Variants in FGD4 observed in about 807,000 individuals in gnomAD.
FGD4 encodes the protein FYVE, RhoGEF and PH domain-containing protein 4.
In FGD4, 42 loss-of-function variants were observed where a neutral mutation model predicts 102.0. That is an observed-to-expected ratio of 0.41 (90% confidence interval 0.32 to 0.53). FGD4 has a LOEUF of 0.53. Among genes scored for constraint, FGD4 ranks in the 20% least tolerant of loss-of-function variants. The probability of loss-of-function intolerance (pLI) is 0.21; values close to 1 mark genes in which losing one functional copy is unlikely to be tolerated. For missense variants in FGD4, 902 were observed against 1,078.2 expected, an observed-to-expected ratio of 0.84 and a Z score of 2.29; for synonymous variants, 380 against 375.7, an observed-to-expected ratio of 1.01 and a Z score of -0.13.
chr12:32,473,803 G>A (rs778066348), intron 1 of FGD4, among the ~76,000 whole-genome samples: 1 of 152,038 alleles, frequency 6.6e-6, no homozygotes, highest in Admixed American at 6.6e-5. Context: ...ATTAGGAGCT[G>A]TGGACCGGGC....
At chr12:32,434,970 C>A (rs549745745) in intron 1 of FGD4, among the ~76,000 whole-genome samples, 1 of 147,174 alleles carries the variant, frequency 6.8e-6, no homozygotes, top group Non-Finnish European at 1.5e-5. Flanking sequence ...CTTTTCTTTT[C>A]TTTCTTTTTT....
At chr12:32,538,223 A>T (rs1044058614) in intron 1 of FGD4, among the ~76,000 whole-genome samples, 1 of 152,128 alleles carries the variant, frequency 6.6e-6, no homozygotes, top group African/African-American at 2.4e-5. Flanking sequence ...ACCATTTAGC[A>T]TGTTATACAG....
In FGD4 at chr12:32,599,494, C is replaced by CAA. The variant is rs777429838; in HGVS notation, c.1101+921_1101+922dup. Among the ~76,000 whole-genome samples the CAA allele has an allele frequency of 2.0e-3, 39 of 19,702 alleles. 4 individuals carry two copies. The highest frequency in any genetic ancestry group is 8.7e-3 in the African/African-American group (33 of 3,814). The allele number at this position is 19,702 out of a possible 152,430, so 12.9% of individuals were successfully genotyped here. The stretch of plus-strand genomic sequence containing the variant: ...TGGGTGACAGAGCGAGACTCCGTCT[C>CAA]AAAAAAAAAAAAAAGAATAACTTTT... On this transcript the variant is annotated intron_variant, in intron 5 of 16. Transcript: ENST00000534526.
chr12:32,579,118 C>T (rs530042145), intron 3 of FGD4, among the ~76,000 whole-genome samples: 9 of 137,690 alleles, frequency 6.5e-5, no homozygotes, highest in African/African-American at 1.7e-4. Flanking sequence ...ACGATCTCAG[C>T]TCACCATGAC....
At chr12:32,447,409 G>A (rs988340843) in intron 1 of FGD4, among the ~76,000 whole-genome samples, 3 of 144,262 alleles carry the variant, frequency 2.1e-5, no homozygotes, top group African/African-American at 4.9e-5. Flanking sequence ...AGTTTATGGG[G>A]TGTGGTTGGT....
intron 1 of FGD4, chr12:32,511,338 G>C (rs981147593): frequency 6.6e-6 from 1 of 152,284 alleles, no homozygotes; most frequent in African/African-American, 2.4e-5. Context: ...TTGAGACAGA[G>C]TCTCGCTCTG....
chr12:32,529,457 A>G (rs968388990), intron 1 of FGD4, among the ~76,000 whole-genome samples: 5 of 152,006 alleles, frequency 3.3e-5, no homozygotes, highest in African/African-American at 9.7e-5. Context: ...TCCATTTTCT[A>G]TCTGATCTGT....
chr12:32,596,403 A>G (rs1262383884), intron 4 of FGD4, among the ~76,000 whole-genome samples: 1 of 152,206 alleles, frequency 6.6e-6, no homozygotes, highest in East Asian at 1.9e-4. Context: ...TAATAATCAA[A>G]CATGCATTTG....
chr12:32,518,802 C>G (rs1041029130), intron 1 of FGD4, among the ~76,000 whole-genome samples: 4 of 150,028 alleles, frequency 2.7e-5, no homozygotes, highest in Non-Finnish European at 4.4e-5. Context: ...GATACTACAT[C>G]TTTTTCTTTA....
chr12:32,446,076 C>G (rs1357438471), intron 1 of FGD4, among the ~76,000 whole-genome samples: 1 of 152,140 alleles, frequency 6.6e-6, no homozygotes, highest in East Asian at 1.9e-4. Context: ...TCACCTGACC[C>G]TAGAAGGTCA....
At position 32,624,679 on chromosome 12, in the gene FGD4, G is replaced by C. The variant is rs1191128392; in HGVS notation, c.1953+227G>C. 13 of 670,908 alleles carry C rather than the reference G, an allele frequency of 1.9e-5. No homozygotes were observed. In the East Asian group the frequency reaches 3.7e-4, roughly 19 times the overall value. 41.6% of individuals were successfully genotyped at this position (670,908 alleles called of 1,614,324 possible). Reference sequence around the variant, plus strand: ...CGTAGAGACGAGGTTTTGCCATGCTGCCCAGGCTGATCTCGAACTCCTGAG... The same window carrying C: ...CGTAGAGACGAGGTTTTGCCATGCTCCCCAGGCTGATCTCGAACTCCTGAG... On this transcript the variant is annotated intron_variant, in intron 12 of 16. Coordinates refer to ENST00000534526, the MANE Select transcript of FGD4 (RefSeq NM_001370298.3).
chr12:32,426,291 C>T (rs1215932358), intron 1 of FGD4, among the ~76,000 whole-genome samples: 2 of 152,084 alleles, frequency 1.3e-5, no homozygotes, highest in Non-Finnish European at 2.9e-5. Flanking sequence ...TGAATTTTAT[C>T]GAAGGCCTTT....
At chr12:32,486,390 G>C (rs143868303) in intron 1 of FGD4, among the ~76,000 whole-genome samples, 172 of 152,324 alleles carry the variant, frequency 1.1e-3, no homozygotes, top group Admixed American at 2.5e-3. Flanking sequence ...TTACTTGAGG[G>C]AATGGCATTT....
intron 4 of FGD4, among the ~76,000 whole-genome samples, chr12:32,593,124 A>G (rs1248822179): frequency 6.6e-6 from 1 of 152,146 alleles, no homozygotes; most frequent in East Asian, 1.9e-4. Flanking sequence ...GAGCCTCAGG[A>G]TTTTGTTTTG....
At position 32,640,381 on chromosome 12, in the gene FGD4, G is replaced by T. The variant is rs61753359; in HGVS notation, c.2560G>T (p.Val854Leu). 8.7e-6 allele frequency: 14 copies of T among 1,614,064 alleles called. No homozygotes were observed. The highest frequency in any genetic ancestry group is 1.6e-4 in the Middle Eastern group (1 of 6,084). The change falls in exon 17 of 17, where the codon GTG becomes TTG. Residue 854 changes from valine (V) to leucine (L), a missense_variant. Val to Leu is a conservative substitution (Grantham distance 32). This residue lies in a region of FGD4 where 459 missense variants were observed against 619.0 expected (regional missense o/e 0.74). Transcript: ENST00000534526. ...TTTCAAACTGACCCAGTCTAAGTCC[G>T]TGCACAGCTTTGCTGCAGACAGTGA... ...HSFKLTQSKSVHSFAADSEEL... is the reference protein window; with the variant it reads ...HSFKLTQSKSLHSFAADSEEL...
chr12:32,442,135 C>G (rs1942458040), intron 1 of FGD4, among the ~76,000 whole-genome samples: 3 of 151,052 alleles, frequency 2.0e-5, no homozygotes. Flanking sequence ...CTCACTGCAA[C>G]CTCCGCCTCC....
intron 11 of FGD4, among the ~76,000 whole-genome samples, chr12:32,624,147 C>G (rs1950008968): frequency 6.6e-6 from 1 of 152,140 alleles, no homozygotes; most frequent in South Asian, 2.1e-4. Context: ...CCTGATATAT[C>G]TAACTGAATG....
At chr12:32,534,405 C>T in intron 1 of FGD4, 1 of 1,504,590 alleles carries the variant, frequency 6.6e-7, no homozygotes, top group Non-Finnish European at 8.8e-7. Context: ...GAGATTTTAT[C>T]ACATGAACTT....
At chr12:32,431,680 G>T (rs1015348257) in intron 1 of FGD4, among the ~76,000 whole-genome samples, 23 of 151,848 alleles carry the variant, frequency 1.5e-4, no homozygotes, top group Non-Finnish European at 3.1e-4. Context: ...GGCTGAGGCG[G>T]GTAGATCACT....
Sources: gnomAD v4.1 joint callset for allele counts (sites outside exome capture counted in the v4.1 genomes callset) on GRCh38, gnomAD v4.1.1 for gene constraint, gnomAD v4.1.1 regional missense constraint, MANE v1.5 for transcripts, NCBI Gene and HGNC (gene_info 2026-07-23, HGNC 2026-07-21) for gene names.